Variants in MED12L observed in about 807,000 individuals in gnomAD.
The protein encoded by MED12L is mediator of RNA polymerase II transcription subunit 12-like protein.
Under a neutral mutation model 281.3 loss-of-function variants are expected in MED12L, and 60 were observed. That is an observed-to-expected ratio of 0.21 (90% confidence interval 0.17 to 0.26). The LOEUF is 0.26. Ranked by LOEUF, MED12L falls within the 10% of genes least tolerant of loss-of-function variation. The pLI is 1.00. For synonymous variants in MED12L, 974 were observed against 987.2 expected (o/e 0.99, Z 0.25); for missense variants, 2,146 against 2,680.9 (o/e 0.80, Z 4.41).
chr3:151,111,448 A>G (rs1020992641), intron 2 of MED12L, among the ~76,000 whole-genome samples: 23 of 152,304 alleles, frequency 1.5e-4, no homozygotes, highest in Middle Eastern at 6.8e-3. Flanking sequence ...AGGCACAGCA[A>G]TGGTCCCAGA....
chr3:151,266,341 A>G (rs965272659), intron 16 of MED12L, among the ~76,000 whole-genome samples: 9 of 152,224 alleles, frequency 5.9e-5, no homozygotes, highest in African/African-American at 2.2e-4. Flanking sequence ...CTATCACTGC[A>G]TGTGTCTGGA....
chr3:151,100,137 T>A (rs560980426), intron 2 of MED12L, among the ~76,000 whole-genome samples: 1 of 152,266 alleles, frequency 6.6e-6, no homozygotes, highest in African/African-American at 2.4e-5. Context: ...TTTGACCTTG[T>A]TATAAATCTC....
At chr3:151,274,462 C>A (rs751562717) in intron 16 of MED12L, among the ~76,000 whole-genome samples, 2 of 152,034 alleles carry the variant, frequency 1.3e-5, no homozygotes, top group Non-Finnish European at 2.9e-5. Context: ...GCAGTGAAAT[C>A]CTTGTGCAGA....
At chr3:151,423,271 G>A (rs79417519) in intron 43 of MED12L, among the ~76,000 whole-genome samples, 8,611 of 151,440 alleles carry the variant, frequency 0.057, 316 homozygotes, top group African/African-American at 0.1. Flanking sequence ...CTCTTTGCTC[G>A]TTGACGTCAT....
intron 11 of MED12L, among the ~76,000 whole-genome samples, chr3:151,174,773 G>A (rs927874394): frequency 3.3e-5 from 5 of 151,976 alleles, no homozygotes; most frequent in East Asian, 3.9e-4. Flanking sequence ...GCTGGAGTGC[G>A]GTGGTGCGAT....
intron 24 of MED12L, 95 bp downstream of exon 24, chr3:151,367,861 G>A (rs531005270): frequency 2.2e-6 from 3 of 1,394,230 alleles, no homozygotes; most frequent in East Asian, 4.6e-5. Context: ...GTATTTGAGG[G>A]TATGTATATT....
At chr3:151,268,810 A>G (rs913103704) in intron 16 of MED12L, among the ~76,000 whole-genome samples, 1 of 152,254 alleles carries the variant, frequency 6.6e-6, no homozygotes. Context: ...GATGTATCAT[A>G]GACCTAAAGG....
Position 151,369,496 on chromosome 3 carries a change from A to G in MED12L, c.3611A>G (p.Asn1204Ser). 1.9e-6 allele frequency: 3 copies of G among 1,612,354 alleles called. No homozygotes were observed. The highest frequency in any genetic ancestry group is 2.5e-6 in the Non-Finnish European group (3 of 1,178,848). The change falls in exon 26 of 45, where the codon AAC becomes AGC. Residue 1204 changes from asparagine to serine, a missense_variant. Transcript: ENST00000687756. ...AGACACCTCTTAGCCGCTGCTCACA[A>G]CAGCATTGAAGTGGGAGCCGTGTTT... Reference protein sequence around the residue: ...CDRHLLAAAHNSIEVGAVFAV... With the variant: ...CDRHLLAAAHSSIEVGAVFAV...
At chr3:151,212,524 G>C (rs1417059256) in intron 16 of MED12L, 1 of 152,004 alleles carries the variant, frequency 6.6e-6, no homozygotes, top group Non-Finnish European at 1.5e-5. Context: ...ATTGAACAGG[G>C]GAAGTTGCTG....
At chr3:151,266,635 T>C (rs1739884056) in intron 16 of MED12L, among the ~76,000 whole-genome samples, 1 of 152,084 alleles carries the variant, frequency 6.6e-6, no homozygotes. Flanking sequence ...AGATTTTAAG[T>C]AAATGAAGGA....
At position 151,263,995 on chromosome 3, in the gene MED12L, C is replaced by G. The variant is rs140201953; in HGVS notation, c.2250+70329C>G. Among the ~76,000 whole-genome samples, 766 of 152,350 alleles carry G rather than the reference C, an allele frequency of 5.0e-3. 12 individuals are homozygous for G. Among genetic ancestry groups the G allele is most frequent in the African/African-American group, 0.017 (714 of 41,588 alleles). Reference sequence around the variant, plus strand: ...TCTCTTACCACCACTCCTTCCCTCTCCCCTACCCACTTAACAGTATATCAT... The same window carrying G: ...TCTCTTACCACCACTCCTTCCCTCTGCCCTACCCACTTAACAGTATATCAT... On this transcript the variant is annotated intron_variant, in intron 16 of 44. Coordinates refer to ENST00000687756, the MANE Select transcript of MED12L (RefSeq NM_001393769.1).
intron 16 of MED12L, chr3:151,213,177 C>T: frequency 1.4e-6 from 1 of 718,420 alleles, no homozygotes; most frequent in Non-Finnish European, 2.3e-6. Context: ...TTTTATTGAA[C>T]TAAATTGGAT....
intron 16 of MED12L, among the ~76,000 whole-genome samples, chr3:151,341,577 T>A (rs1751825414): frequency 2.0e-5 from 3 of 150,984 alleles, no homozygotes. Flanking sequence ...TTTTTTTTTT[T>A]AATTTTATTA....
intron 41 of MED12L, among the ~76,000 whole-genome samples, chr3:151,412,094 A>C (rs1304464016): frequency 6.6e-6 from 1 of 152,138 alleles, no homozygotes; most frequent in East Asian, 1.9e-4. Flanking sequence ...TGGCTGTTTA[A>C]ATTTAGACTA....
At chr3:151,237,479 A>G (rs974049357) in intron 16 of MED12L, among the ~76,000 whole-genome samples, 1 of 149,530 alleles carries the variant, frequency 6.7e-6, no homozygotes, top group African/African-American at 2.5e-5. Context: ...CCTCCCAAGT[A>G]GCTGGGACTA....
intron 11 of MED12L, among the ~76,000 whole-genome samples, chr3:151,184,450 T>G (rs932813350): frequency 6.6e-6 from 1 of 152,166 alleles, no homozygotes; most frequent in Admixed American, 6.5e-5. Flanking sequence ...GATTATCTAG[T>G]TTTTCTGGCA....
chr3:151,406,067 C>T (rs751913289), intron 39 of MED12L, among the ~76,000 whole-genome samples: 31 of 152,192 alleles, frequency 2.0e-4, no homozygotes, highest in African/African-American at 7.2e-4. Flanking sequence ...TAACAGATAA[C>T]TAAGGTGACC....
chr3:151,380,609 A>G (rs1170251476), intron 32 of MED12L, among the ~76,000 whole-genome samples: 2 of 152,086 alleles, frequency 1.3e-5, no homozygotes, highest in Admixed American at 1.3e-4. Flanking sequence ...AAAAAAAAAA[A>G]AAAAAACAAC....
chr3:151,317,552 G>A (rs1384627204), intron 16 of MED12L, among the ~76,000 whole-genome samples: 1 of 140,074 alleles, frequency 7.1e-6, no homozygotes, highest in Admixed American at 8.0e-5. Flanking sequence ...CCGGATTCAA[G>A]TGATTCTCCT....
Sources: allele counts gnomAD v4.1 joint callset (sites outside exome capture counted in the v4.1 genomes callset), GRCh38; gene constraint gnomAD v4.1.1; transcripts MANE v1.5; gene names NCBI Gene and HGNC (gene_info 2026-07-23, HGNC 2026-07-21).